The following LGI2 variants were observed in gnomAD, a reference collection of about 807,000 sequenced individuals.
LGI2 encodes the protein leucine rich repeat LGI family member 2, also known as leucine-rich repeat LGI family member 2.
In LGI2, 30 loss-of-function variants were observed where a neutral mutation model predicts 52.0. That is an observed-to-expected ratio of 0.58 (90% confidence interval 0.43 to 0.78). The LOEUF (loss-of-function observed/expected upper bound fraction) is 0.78. Among genes scored for constraint, LGI2 ranks in the 30% least tolerant of loss-of-function variants. LGI2 has a pLI of 0.00. For missense variants in LGI2, 573 were observed against 692.5 expected, an observed-to-expected ratio of 0.83 and a Z score of 1.94; for synonymous variants, 270 against 271.8, an observed-to-expected ratio of 0.99 and a Z score of 0.06.
intron 7 of LGI2, among the ~76,000 whole-genome samples, chr4:25,011,954 G>A (rs1000946): frequency 0.46 from 70,290 of 151,982 alleles, 16,423 homozygotes; most frequent in Middle Eastern, 0.65. Context: ...TTAGCATATT[G>A]GTTAACAATC....
rs1725302074 is a variant in LGI2, at chr4:25,003,328, A to G, written c.*123T>C. The G allele has an allele frequency of 1.4e-6, 1 of 704,126 alleles. No homozygotes were observed. Among genetic ancestry groups the G allele is most frequent in the Non-Finnish European group, 2.3e-6 (1 of 432,596 alleles). The allele number at this position is 704,126 out of a possible 1,614,324, so 43.6% of individuals were successfully genotyped here. On this transcript the variant is annotated 3_prime_UTR_variant, in exon 8 of 8. Transcript: ENST00000382114. ...GAGTTCTAAAAGTTTGAAAACATCT[A>G]ACTATTTCAGTGCTTTTTAATTTCA...
In LGI2 at chr4:25,003,138, T is replaced by G. The variant is rs1287269937; in HGVS notation, c.*313A>C. 1 of 215,766 alleles carries G rather than the reference T, an allele frequency of 4.6e-6. No individual in the cohort carries two copies. The highest frequency in any genetic ancestry group is 1.1e-4 in the East Asian group (1 of 9,218). 13.4% of individuals were successfully genotyped at this position (215,766 alleles called of 1,614,324 possible). A position where few individuals can be genotyped will look rare whatever the true frequency, so the allele number is the denominator to read the frequency against. ...TGCTGTCCCATCTTATCCAATTGTC[T>G]TCTTCCTCATCAAAAAGCGGGGGGG... is the stretch of plus-strand genomic sequence containing the variant. On this transcript the variant is annotated 3_prime_UTR_variant, in exon 8 of 8. Coordinates refer to ENST00000382114, the MANE Select transcript of LGI2 (RefSeq NM_018176.4).
intron 7 of LGI2, among the ~76,000 whole-genome samples, chr4:25,008,465 A>G (rs1337982986): frequency 6.7e-6 from 1 of 150,180 alleles, no homozygotes; most frequent in Non-Finnish European, 1.5e-5. Context: ...AGGCCAGAAA[A>G]TCACTTGAAT....
intron 3 of LGI2, among the ~76,000 whole-genome samples, chr4:25,025,875 G>A (rs955899865): frequency 3.3e-5 from 5 of 152,146 alleles, no homozygotes; most frequent in Non-Finnish European, 5.9e-5. Flanking sequence ...ATGAACTATC[G>A]TAAGAGAAAA....
rs946601723 is a variant in LGI2, at chr4:25,003,570, C to G, written c.1519G>C (p.Val507Leu). The G allele has an allele frequency of 1.2e-6, 2 of 1,614,154 alleles. No homozygotes were observed. The highest frequency in any genetic ancestry group is 1.7e-6 in the Non-Finnish European group (2 of 1,179,998). ...QLFKKFKEIYVQAPRSFTAVS... is the reference protein window; with the variant it reads ...QLFKKFKEIYLQAPRSFTAVS... ...GCTGTGAATGAACGAGGCGCCTGCACGTAAATCTCCTTAAACTTTTTGAAT... is the reference window on the plus strand; with the variant it reads ...GCTGTGAATGAACGAGGCGCCTGCAGGTAAATCTCCTTAAACTTTTTGAAT... The change falls in exon 8 of 8, where the codon GTG becomes CTG. Residue 507 changes from valine (V) to leucine (L), a missense_variant. Val to Leu is a conservative substitution (Grantham distance 32). Coordinates refer to ENST00000382114, the MANE Select transcript of LGI2 (RefSeq NM_018176.4).
At chr4:25,016,581 C>T (rs1385111279) in intron 6 of LGI2, among the ~76,000 whole-genome samples, 2 of 152,112 alleles carry the variant, frequency 1.3e-5, no homozygotes, top group Middle Eastern at 3.2e-3. Context: ...GCTGAGTAAG[C>T]CCCTATTTGA....
intron 3 of LGI2, 62 bp from the exon 4 acceptor site, chr4:25,024,953 T>C: frequency 9.2e-7 from 1 of 1,087,308 alleles, no homozygotes; most frequent in South Asian, 1.5e-5. Flanking sequence ...AAAAAAACTA[T>C]GTTGGTAAGC....
At position 25,003,386 on chromosome 4, in the gene LGI2, A is replaced by G. The variant is rs1577543923; in HGVS notation, c.*65T>C. On this transcript the variant is annotated 3_prime_UTR_variant, in exon 8 of 8. Coordinates refer to ENST00000382114, the MANE Select transcript of LGI2 (RefSeq NM_018176.4). ...GAGCCTGGCTTTGATTTGTTTGTTG[A>G]TTTTTCTTGGTCCTCTTTTGTGAGA... 1.7e-6 allele frequency: 2 copies of G among 1,165,876 alleles called. No individual in the cohort carries two copies. The highest frequency in any genetic ancestry group is 2.4e-6 in the Non-Finnish European group (2 of 829,026). The allele number at this position is 1,165,876 out of a possible 1,614,324, so 72.2% of individuals were successfully genotyped here.
At position 25,003,754 on chromosome 4, in the gene LGI2, G is replaced by C; in HGVS notation, c.1335C>G (p.Val445=). 3 of 1,614,208 alleles carry C rather than the reference G, an allele frequency of 1.9e-6. No homozygotes were observed. Among genetic ancestry groups the C allele is most frequent in the East Asian group, 2.2e-5 (1 of 44,884 alleles). The change falls in exon 8 of 8, where the codon GTC becomes GTG. Residue 445 remains valine, a synonymous_variant. Transcript: ENST00000382114. ...SLTRFIGDSR[V]MRWNSKQFVE... Reference sequence around the variant, plus strand: ...CAAACTGCTTACTGTTCCACCTCATGACCCGGGAGTCCCCGATGAAGCGGG... The same window carrying C: ...CAAACTGCTTACTGTTCCACCTCATCACCCGGGAGTCCCCGATGAAGCGGG...
chr4:24,999,099 C>T lies in LGI2; in HGVS notation c.*4352G>A, dbSNP rs928278983. ...GGCCTATTTTATCACAATTCTTATACATTCCTGATAATCAAAGGGACTGAT... is the reference window on the plus strand; with the variant it reads ...GGCCTATTTTATCACAATTCTTATATATTCCTGATAATCAAAGGGACTGAT... On this transcript the variant is annotated 3_prime_UTR_variant, in exon 8 of 8. Transcript: ENST00000382114. The T allele has an allele frequency of 6.6e-6, 1 of 152,162 alleles. No individual in the cohort carries two copies. Among genetic ancestry groups the T allele is most frequent in the Non-Finnish European group, 1.5e-5 (1 of 68,032 alleles). The allele number at this position is 152,162 out of a possible 1,614,324, so 9.4% of individuals were successfully genotyped here.
At chr4:25,009,692 G>C (rs560488897) in intron 7 of LGI2, among the ~76,000 whole-genome samples, 2 of 152,204 alleles carry the variant, frequency 1.3e-5, no homozygotes, top group African/African-American at 2.4e-5. Flanking sequence ...CTGGAGTGCA[G>C]TGGCACGATC....
At chr4:25,024,786 T>TA in intron 4 of LGI2, 34 bp downstream of exon 4, 1 of 1,447,674 alleles carries the variant, frequency 6.9e-7, no homozygotes, top group Non-Finnish European at 9.5e-7. Flanking sequence ...ACTCCACATA[T>TA]TAGAGGACTT....
chr4:25,030,705 G>C lies in LGI2; in HGVS notation c.-12C>G. 3.1e-6 allele frequency: 4 copies of C among 1,288,246 alleles called. No homozygotes were observed. Among genetic ancestry groups the C allele is most frequent in the African/African-American group, 3.1e-5 (2 of 63,930 alleles). 79.8% of individuals were successfully genotyped at this position (1,288,246 alleles called of 1,614,324 possible). The stretch of plus-strand genomic sequence containing the variant: ...CTCCGCAGCGCCATGCCCGGTCCCC[G>C]CTCCCCGCCCGGGCCCCGACCCCCA... On this transcript the variant is annotated 5_prime_UTR_variant, in exon 1 of 8. Coordinates refer to ENST00000382114, the MANE Select transcript of LGI2 (RefSeq NM_018176.4).
At chr4:25,005,222 CTG>C (rs1421270060) in intron 7 of LGI2, among the ~76,000 whole-genome samples, 3 of 152,158 alleles carry the variant, frequency 2.0e-5, no homozygotes, top group Non-Finnish European at 4.4e-5. Context: ...TTGTACAACA[CTG>C]TGAATGTACC....
At chr4:25,008,169 T>G (rs1725454469) in intron 7 of LGI2, among the ~76,000 whole-genome samples, 1 of 152,188 alleles carries the variant, frequency 6.6e-6, no homozygotes, top group Admixed American at 6.5e-5. Flanking sequence ...CCTACGTTCA[T>G]GCAAGTTGTG....
chr4:24,992,117 G>A, the LGI2 span, among the ~76,000 whole-genome samples: 4,502 of 152,204 alleles, frequency 0.03, 143 homozygotes, highest in African/African-American at 0.072. Context: ...ATTCCAAGGT[G>A]GTACCATGTT....
chr4:25,028,613 T>A (rs1258453371), intron 1 of LGI2, 35 bp from the exon 2 acceptor site: 2 of 1,586,494 alleles, frequency 1.3e-6, no homozygotes, highest in South Asian at 2.3e-5. Flanking sequence ...TAGGCCTAGG[T>A]TTCTTTTAGG....
At position 25,001,949 on chromosome 4, in the gene LGI2, G is replaced by C. The variant is rs1006142969; in HGVS notation, c.*1502C>G. The C allele has an allele frequency of 6.6e-6, 1 of 152,072 alleles. No homozygotes were observed. The highest frequency in any genetic ancestry group is 2.4e-5 in the African/African-American group (1 of 41,382). 9.4% of individuals were successfully genotyped at this position (152,072 alleles called of 1,614,324 possible). A position where few individuals can be genotyped will look rare whatever the true frequency, so the allele number is the denominator to read the frequency against. ...TTCATGGCTAGGAATGAAGTTGTTGGGTTTCTCTTTCAGAGCTACCCCTAA... is the reference window on the plus strand; with the variant it reads ...TTCATGGCTAGGAATGAAGTTGTTGCGTTTCTCTTTCAGAGCTACCCCTAA... On this transcript the variant is annotated 3_prime_UTR_variant, in exon 8 of 8. Transcript: ENST00000382114.
At chr4:25,014,934 A>G (rs925493497) in intron 6 of LGI2, among the ~76,000 whole-genome samples, 23 of 152,106 alleles carry the variant, frequency 1.5e-4, no homozygotes, top group African/African-American at 5.6e-4. Flanking sequence ...AGGAATTTAA[A>G]TATCTTCTCC....
Sources: gnomAD v4.1 joint callset for allele counts (sites outside exome capture counted in the v4.1 genomes callset) on GRCh38, gnomAD v4.1.1 for gene constraint, MANE v1.5 for transcripts, NCBI Gene and HGNC (gene_info 2026-07-23, HGNC 2026-07-21) for gene names.